Variants in SCARA5 observed in about 807,000 individuals in gnomAD.
The protein encoded by SCARA5 is scavenger receptor class A, member 5 (putative).
Under a neutral mutation model 46.3 loss-of-function variants are expected in SCARA5, and 45 were observed. That is an observed-to-expected ratio of 0.97 (90% CI 0.76 to 1.24). The LOEUF is 1.24. Ranked by LOEUF, SCARA5 falls within the 50% of genes most tolerant of loss-of-function variation. The pLI is 0.00. For synonymous variants in SCARA5, 333 were observed against 306.5 expected (o/e 1.09, Z -0.90); for missense variants, 680 against 689.0 (o/e 0.99, Z 0.15).
chr8:27,940,749 CCCAA>C (rs1461483926), intron 3 of SCARA5, among the ~76,000 whole-genome samples: 1 of 87,874 alleles, frequency 1.1e-5, no homozygotes, highest in Non-Finnish European at 2.3e-5. Flanking sequence ...CATCCACCCA[CCCAA>C]CCATCTGTCC....
intron 7 of SCARA5, among the ~76,000 whole-genome samples, chr8:27,887,719 C>A (rs1806919760): frequency 1.3e-5 from 2 of 152,150 alleles, no homozygotes; most frequent in South Asian, 2.1e-4. Context: ...AACTGGGGAC[C>A]ACAAGCCCGA....
intron 2 of SCARA5, among the ~76,000 whole-genome samples, chr8:27,977,757 G>C (rs62496818): frequency 6.6e-6 from 1 of 152,114 alleles, no homozygotes; most frequent in Non-Finnish European, 1.5e-5. Context: ...CCTGATCCCC[G>C]GGTATCACTC....
intron 2 of SCARA5, among the ~76,000 whole-genome samples, chr8:27,978,941 T>A (rs1808569988): frequency 6.6e-6 from 1 of 152,054 alleles, no homozygotes; most frequent in South Asian, 2.1e-4. Context: ...CCTACTCCAC[T>A]CCAGGATCCA....
At chr8:27,969,720 A>C (rs1042645067) in intron 2 of SCARA5, among the ~76,000 whole-genome samples, 1 of 152,158 alleles carries the variant, frequency 6.6e-6, no homozygotes, top group African/African-American at 2.4e-5. Context: ...TGGTGGGGAT[A>C]TTGACAGAGG....
At chr8:27,913,691 T>A (rs1807415184) in intron 4 of SCARA5, among the ~76,000 whole-genome samples, 1 of 152,194 alleles carries the variant, frequency 6.6e-6, no homozygotes, top group Non-Finnish European at 1.5e-5. Context: ...ATGTGTGCCT[T>A]GCTGTCTGAT....
At chr8:27,917,640 C>G (rs1563524559) in intron 4 of SCARA5, among the ~76,000 whole-genome samples, 2 of 152,216 alleles carry the variant, frequency 1.3e-5, no homozygotes, top group African/African-American at 4.8e-5. Context: ...GCTATTCAGT[C>G]TTCTCATCTA....
intron 7 of SCARA5, among the ~76,000 whole-genome samples, chr8:27,890,100 C>T (rs539360848): frequency 1.3e-5 from 2 of 152,276 alleles, no homozygotes; most frequent in South Asian, 2.1e-4. Context: ...CCTGGACTCA[C>T]TCAAATGAAC....
At chr8:27,943,389 G>A (rs370872684) in intron 3 of SCARA5, among the ~76,000 whole-genome samples, 2 of 151,504 alleles carry the variant, frequency 1.3e-5, no homozygotes, top group South Asian at 4.2e-4. Flanking sequence ...GCTGCAGTGA[G>A]CACTGCACTC....
intron 7 of SCARA5, among the ~76,000 whole-genome samples, chr8:27,888,516 T>TG (rs1366926777): frequency 6.6e-6 from 1 of 152,248 alleles, no homozygotes; most frequent in African/African-American, 2.4e-5. Context: ...CTGTAACTTC[T>TG]GCTCTCCTGA....
chr8:27,951,490 G>C (rs1251261285), intron 3 of SCARA5, among the ~76,000 whole-genome samples: 1 of 152,250 alleles, frequency 6.6e-6, no homozygotes, highest in African/African-American at 2.4e-5. Flanking sequence ...TGTGTCAAGT[G>C]GTCAGGCCCC....
At chr8:27,986,607 G>A (rs2129985862) in intron 2 of SCARA5, among the ~76,000 whole-genome samples, 1 of 152,196 alleles carries the variant, frequency 6.6e-6, no homozygotes, top group East Asian at 1.9e-4. Context: ...TCCTCTGCCT[G>A]CAGAGACTCT....
intron 4 of SCARA5, among the ~76,000 whole-genome samples, chr8:27,916,672 C>A (rs554183925): frequency 6.6e-6 from 1 of 152,144 alleles, no homozygotes; most frequent in Non-Finnish European, 1.5e-5. Context: ...ATGGTAAATA[C>A]GTTCAGATAT....
At chr8:27,968,740 G>A (rs533301372) in intron 2 of SCARA5, among the ~76,000 whole-genome samples, 35 of 152,294 alleles carry the variant, frequency 2.3e-4, no homozygotes, top group African/African-American at 7.7e-4. Context: ...TCACACAGCC[G>A]TGAACACAGT....
At chr8:27,872,887 T>G (rs907436489) in intron 8 of SCARA5, among the ~76,000 whole-genome samples, 1 of 152,104 alleles carries the variant, frequency 6.6e-6, no homozygotes, top group Non-Finnish European at 1.5e-5. Context: ...CTTGTTCACA[T>G]CCAGTCACGG....
intron 7 of SCARA5, among the ~76,000 whole-genome samples, chr8:27,899,618 G>A (rs1251913533): frequency 6.6e-6 from 1 of 152,218 alleles, no homozygotes; most frequent in East Asian, 1.9e-4. Flanking sequence ...CCTATGGATG[G>A]CTTCCTAGTG....
chr8:27,959,902 A>G (rs559716179), intron 3 of SCARA5, among the ~76,000 whole-genome samples: 14 of 152,328 alleles, frequency 9.2e-5, no homozygotes, highest in African/African-American at 3.1e-4. Flanking sequence ...CTAAAGAGCT[A>G]CAATCCTGGA....
chr8:27,913,862 T>C (rs1251487564), intron 4 of SCARA5, among the ~76,000 whole-genome samples: 1 of 152,196 alleles, frequency 6.6e-6, no homozygotes, highest in African/African-American at 2.4e-5. Context: ...GGTCACCAAC[T>C]TTCCTCCACC....
chr8:27,935,647 A>G (rs910336749), intron 3 of SCARA5, among the ~76,000 whole-genome samples: 2 of 152,160 alleles, frequency 1.3e-5, no homozygotes, highest in African/African-American at 4.8e-5. Flanking sequence ...AGGGCTCAGG[A>G]TCTCAGCACT....
intron 3 of SCARA5, among the ~76,000 whole-genome samples, chr8:27,924,169 C>T (rs921147169): frequency 1.3e-5 from 2 of 152,078 alleles, no homozygotes; most frequent in Admixed American, 6.6e-5. Context: ...CTGCATACCA[C>T]AGAAAGGGAA....
Sources: allele counts gnomAD v4.1 joint callset (sites outside exome capture counted in the v4.1 genomes callset), GRCh38; gene constraint gnomAD v4.1.1; transcripts MANE v1.5; gene names NCBI Gene and HGNC (gene_info 2026-07-23, HGNC 2026-07-21).